The following PLEKHA5 variants were observed in gnomAD, a reference collection of about 807,000 sequenced individuals.
The protein encoded by PLEKHA5 is pleckstrin homology domain containing A5.
In PLEKHA5, 55 loss-of-function variants were observed where a neutral mutation model predicts 181.9. The observed-to-expected ratio is 0.30, with a 90% CI of 0.24 to 0.38. The LOEUF (loss-of-function observed/expected upper bound fraction) is 0.38, where lower values mean the gene tolerates loss of function less well. PLEKHA5 is among the 10% of genes least tolerant of loss of function. The pLI, the probability that PLEKHA5 is intolerant of heterozygous loss-of-function variation, is 1.00. For missense variants in PLEKHA5, 1,432 were observed against 1,549.5 expected (o/e 0.92, Z 1.27); for synonymous variants, 535 against 529.4 (o/e 1.01, Z -0.15).
intron 29 of PLEKHA5, among the ~76,000 whole-genome samples, chr12:19,362,767 T>A (rs1468724526): frequency 6.6e-6 from 1 of 151,548 alleles, no homozygotes; most frequent in African/African-American, 2.4e-5. Context: ...CTCAAAAAAA[T>A]TTTAAAAAGA....
chr12:19,287,111 C>T (rs575502895), intron 12 of PLEKHA5, among the ~76,000 whole-genome samples: 272 of 152,254 alleles, frequency 1.8e-3, no homozygotes, highest in Non-Finnish European at 2.4e-3. Flanking sequence ...ACTTGTCCCA[C>T]GTCAGCCTTC....
chr12:19,239,797 G>A (rs2062131107), intron 3 of PLEKHA5, among the ~76,000 whole-genome samples: 1 of 152,150 alleles, frequency 6.6e-6, no homozygotes, highest in African/African-American at 2.4e-5. Flanking sequence ...CAATTCAAAT[G>A]GTAGCCACTT....
At chr12:19,279,161 C>T (rs1177267976) in intron 11 of PLEKHA5, among the ~76,000 whole-genome samples, 2 of 151,944 alleles carry the variant, frequency 1.3e-5, no homozygotes, top group African/African-American at 4.8e-5. Flanking sequence ...TTTTTAATAC[C>T]TTTTTATTTT....
At chr12:19,271,435 T>C (rs370605266) in intron 10 of PLEKHA5, among the ~76,000 whole-genome samples, 1 of 152,070 alleles carries the variant, frequency 6.6e-6, no homozygotes, top group Non-Finnish European at 1.5e-5. Flanking sequence ...AATCAGGAGG[T>C]TGAGGCTGCT....
chr12:19,351,326 C>G (rs993125180), intron 25 of PLEKHA5, among the ~76,000 whole-genome samples: 2 of 152,072 alleles, frequency 1.3e-5, no homozygotes, highest in African/African-American at 4.8e-5. Flanking sequence ...TGCTTGAGTC[C>G]AGGAGTTCAA....
At chr12:19,363,196 G>A (rs1203103793) in intron 29 of PLEKHA5, among the ~76,000 whole-genome samples, 2 of 151,226 alleles carry the variant, frequency 1.3e-5, no homozygotes, top group East Asian at 1.9e-4. Flanking sequence ...GTGCAATGGC[G>A]CAATCTTGGT....
At chr12:19,169,185 A>C (rs540003405) in intron 3 of PLEKHA5, among the ~76,000 whole-genome samples, 55 of 152,286 alleles carry the variant, frequency 3.6e-4, no homozygotes, top group Non-Finnish European at 6.0e-4. Context: ...CCAGGTGGCT[A>C]ACTTAAGGAA....
chr12:19,352,419 A>T (rs2094647362), intron 25 of PLEKHA5, among the ~76,000 whole-genome samples: 1 of 151,972 alleles, frequency 6.6e-6, no homozygotes, highest in Admixed American at 6.6e-5. Context: ...AGATAAAGTG[A>T]AAATGAGTAC....
chr12:19,183,018 G>A lies in PLEKHA5; in HGVS notation c.227+50568G>A, dbSNP rs141814676. On this transcript the variant is annotated intron_variant, in intron 3 of 31. Coordinates refer to ENST00000429027, the MANE Select transcript of PLEKHA5 (RefSeq NM_001256470.2). ...TTTTTGAAAGTTAAATTTCTGAAGA[G>A]CAATGAAACAGAGCTGTTGCTAATT... Among the ~76,000 whole-genome samples, 1,009 of 152,264 alleles carry A rather than the reference G, an allele frequency of 6.6e-3. 6 individuals carry two copies. The highest frequency in any genetic ancestry group is 0.01 in the Non-Finnish European group (708 of 68,014).
At chr12:19,195,883 A>G (rs1213286248) in intron 3 of PLEKHA5, among the ~76,000 whole-genome samples, 2 of 152,092 alleles carry the variant, frequency 1.3e-5, no homozygotes, top group Non-Finnish European at 2.9e-5. Flanking sequence ...TGTGTTCCAT[A>G]CTACAGATGA....
chr12:19,138,595 G>T (rs2036376709), intron 3 of PLEKHA5, among the ~76,000 whole-genome samples: 1 of 150,688 alleles, frequency 6.6e-6, no homozygotes, highest in African/African-American at 2.5e-5. Context: ...AAAAGAAGAT[G>T]CTAGTTTGAG....
In PLEKHA5 at chr12:19,290,751, G is replaced by C. The variant is rs1028777915; in HGVS notation, c.1938G>C (p.Thr646=). ...QAELSSIREH[T]LAQLMQLKLE... is the part of the protein sequence containing the mutation. Reference sequence around the variant, plus strand: ...AACTGAGTAGTATCCGGGAGCATACGTTAGCACAGCTCATGCAGCTAAAGC... The same window carrying C: ...AACTGAGTAGTATCCGGGAGCATACCTTAGCACAGCTCATGCAGCTAAAGC... Residue 646 remains threonine, a synonymous_variant, in exon 14 of 32, where the codon ACG becomes ACC. Transcript: ENST00000429027. 8 of 1,535,972 alleles carry C rather than the reference G, an allele frequency of 5.2e-6. No individual in the cohort carries two copies. The East Asian group carries it at 1.5e-4, about 28-fold the overall frequency.
intron 3 of PLEKHA5, among the ~76,000 whole-genome samples, chr12:19,240,000 AT>A (rs2062174205): frequency 6.6e-6 from 1 of 152,380 alleles, no homozygotes; most frequent in South Asian, 2.1e-4. Context: ...CAAGATAGCT[AT>A]TTTGAAAGAA....
At chr12:19,318,878 A>G (rs554680977) in intron 16 of PLEKHA5, among the ~76,000 whole-genome samples, 167 of 152,316 alleles carry the variant, frequency 1.1e-3, no homozygotes, top group African/African-American at 3.5e-3. Context: ...CCGAGATCGC[A>G]CCACTGCACT....
intron 21 of PLEKHA5, among the ~76,000 whole-genome samples, chr12:19,340,463 T>C (rs1359591266): frequency 4.0e-5 from 5 of 125,288 alleles, no homozygotes; most frequent in Non-Finnish European, 5.6e-5. Flanking sequence ...ACTCAACAGC[T>C]CATTGAGAAC....
intron 3 of PLEKHA5, among the ~76,000 whole-genome samples, chr12:19,173,353 C>T (rs2046441297): frequency 6.6e-6 from 1 of 152,058 alleles, no homozygotes; most frequent in Admixed American, 6.5e-5. Flanking sequence ...TGCATACACC[C>T]ATACACATAA....
chr12:19,331,943 G>A (rs1440754907), intron 20 of PLEKHA5, among the ~76,000 whole-genome samples: 1 of 152,002 alleles, frequency 6.6e-6, no homozygotes, highest in African/African-American at 2.4e-5. Context: ...GCTTGAGCCT[G>A]GGGAGTTGAG....
chr12:19,210,331 AATCTACTTT>A (rs1295688567), intron 3 of PLEKHA5, among the ~76,000 whole-genome samples: 4 of 152,232 alleles, frequency 2.6e-5, no homozygotes, highest in Admixed American at 6.5e-5. Flanking sequence ...ATAAGTTCAA[AATCTACTTT>A]GTAAAGGTAA....
chr12:19,352,772 A>AT (rs1025692476), intron 25 of PLEKHA5, among the ~76,000 whole-genome samples: 1 of 151,278 alleles, frequency 6.6e-6, no homozygotes, highest in African/African-American at 2.4e-5. Flanking sequence ...AATCTGTACA[A>AT]TTTTTTCTTC....
Sources: allele counts gnomAD v4.1 joint callset (sites outside exome capture counted in the v4.1 genomes callset), GRCh38; gene constraint gnomAD v4.1.1; transcripts MANE v1.5; gene names NCBI Gene and HGNC (gene_info 2026-07-23, HGNC 2026-07-21).